The following PLPPR3 variants were observed in gnomAD, a reference collection of about 807,000 sequenced individuals.
The protein encoded by PLPPR3 is phospholipid phosphatase-related protein type 3.
Under a neutral mutation model 27.3 loss-of-function variants are expected in PLPPR3, and 14 were observed. The observed-to-expected ratio is 0.51, with a 90% CI of 0.34 to 0.80. PLPPR3 has a LOEUF of 0.80. Ranked by LOEUF, PLPPR3 falls within the 30% of genes least tolerant of loss-of-function variation. The pLI, the probability that PLPPR3 is intolerant of heterozygous loss-of-function variation, is 0.01. For synonymous variants in PLPPR3, 671 were observed against 508.0 expected (o/e 1.32, Z -4.32); for missense variants, 1,287 against 1,056.9 (o/e 1.22, Z -3.02).
rs982647618 is a variant in PLPPR3, at chr19:813,203, G to C, written c.1524C>G (p.Ser508=). 1 of 1,503,516 alleles carries C rather than the reference G, an allele frequency of 6.7e-7. No homozygotes were observed. The highest frequency in any genetic ancestry group is 1.5e-5 in the African/African-American group (1 of 68,068). 93.1% of individuals were successfully genotyped at this position (1,503,516 alleles called of 1,614,324 possible). The change falls in exon 8 of 8, where the codon TCC becomes TCG. Residue 508 remains serine (S), a synonymous_variant. Transcript: ENST00000520876. This position sits in a 1 kb window ranked among gnomAD's most constrained non-coding sequence, Gnocchi z 4.1. ...CGCGCACCCCGGCGCCGCTTTTGGGGGACAGGCCGGCCCCCGTCTGCGCGC... is the reference window on the plus strand; with the variant it reads ...CGCGCACCCCGGCGCCGCTTTTGGGCGACAGGCCGGCCCCCGTCTGCGCGC... ...EEGAQTGAGL[S]PKSGAGVRAK... is the part of the protein sequence containing the mutation.
At position 813,117 on chromosome 19, in the gene PLPPR3, A is replaced by T; in HGVS notation, c.1610T>A (p.Leu537Gln). 1 of 1,505,184 alleles carries T rather than the reference A, an allele frequency of 6.6e-7. No homozygotes were observed. The highest frequency in any genetic ancestry group is 8.8e-7 in the Non-Finnish European group (1 of 1,138,200). 93.2% of individuals were successfully genotyped at this position (1,505,184 alleles called of 1,614,324 possible). A position where few individuals can be genotyped will look rare whatever the true frequency, so the allele number is the denominator to read the frequency against. The stretch of plus-strand genomic sequence containing the variant: ...AGCCTTGGACATGGCGATGACCTGC[A>T]GCAGCCGCGGAGGGTTGGCCACTGC... ...GAAVANPPRL[L>Q]QVIAMSKAPG... Residue 537 changes from leucine (L) to glutamine (Q), a missense_variant, in exon 8 of 8, where the codon CTG becomes CAG. By Grantham distance (113) the Leu-to-Gln change is moderately radical (BLOSUM62 -2). Transcript: ENST00000520876. This position sits in a 1 kb window ranked among gnomAD's most constrained non-coding sequence, Gnocchi z 4.1.
In PLPPR3 at chr19:813,324, A is replaced by T. The variant is rs765899709; in HGVS notation, c.1403T>A (p.Leu468His). 1 of 1,469,412 alleles carries T rather than the reference A, an allele frequency of 6.8e-7. No homozygotes were observed. The highest frequency in any genetic ancestry group is 1.4e-5 in the South Asian group (1 of 73,978). The allele number at this position is 1,469,412 out of a possible 1,614,324, so 91.0% of individuals were successfully genotyped here. Residue 468 changes from leucine (L) to histidine (H), a missense_variant, in exon 8 of 8, where the codon CTC becomes CAC. Physicochemically the swap from Leu to His is moderately conservative, Grantham distance 99. Coordinates refer to ENST00000520876, the MANE Select transcript of PLPPR3 (RefSeq NM_001270366.2). This position sits in a 1 kb window ranked among gnomAD's most constrained non-coding sequence, Gnocchi z 4.1. Reference sequence around the variant, plus strand: ...CGGCCGCGCCTGCACGGTGGGGTAGAGCGAGGGCGGGGCCGGGCCCTCGTC... The same window carrying T: ...CGGCCGCGCCTGCACGGTGGGGTAGTGCGAGGGCGGGGCCGGGCCCTCGTC... ...EEDEGPAPPSLYPTVQARPGL... is the reference protein window; with the variant it reads ...EEDEGPAPPSHYPTVQARPGL...
intron 2 of PLPPR3, among the ~76,000 whole-genome samples, chr19:817,708 A>G (rs7250902): frequency 0.47 from 70,870 of 152,008 alleles, 18,075 homozygotes; most frequent in African/African-American, 0.67. Flanking sequence ...ATCCCAGGGC[A>G]GAATTGGATC....
At position 815,264 on chromosome 19, in the gene PLPPR3, GCCC is replaced by G. The variant is rs1197112568; in HGVS notation, c.322_324del (p.Gly108del). On this transcript the variant is annotated inframe_deletion, in exon 4 of 8. Coordinates refer to ENST00000520876, the MANE Select transcript of PLPPR3 (RefSeq NM_001270366.2). Reference sequence around the variant, plus strand: ...TTGATGCTGCCCTCCGCCCCGGCGGGCCCCCCGGCACGGCCCCACAGCCGGGAC... The same window carrying G: ...TTGATGCTGCCCTCCGCCCCGGCGGGCCCGGCACGGCCCCACAGCCGGGAC... The G allele has an allele frequency of 6.4e-7, 1 of 1,562,838 alleles. No individual in the cohort carries two copies. The highest frequency in any genetic ancestry group is 1.4e-5 in the African/African-American group (1 of 73,326).
Position 821,545 on chromosome 19 carries a change from C to T in PLPPR3, c.15G>A (p.Lys5=). The change falls in exon 2 of 8, where the codon AAG becomes AAA. Residue 5 remains lysine (K), a synonymous_variant. Transcript: ENST00000520876. MIST[K]EKNKIPKDSM... ...TGTCCTTCGGGATCTTGTTCTTCTC[C>T]TTGGTGGAGATCATGGTGCCGCGGG... The T allele has an allele frequency of 2.7e-6, 4 of 1,494,684 alleles. No individual in the cohort carries two copies. The highest frequency in any genetic ancestry group is 3.6e-6 in the Non-Finnish European group (4 of 1,117,668). The allele number at this position is 1,494,684 out of a possible 1,614,324, so 92.6% of individuals were successfully genotyped here.
chr19:819,279 C>CTTTTTT (rs1252377454), intron 2 of PLPPR3, among the ~76,000 whole-genome samples: 7,578 of 60,786 alleles, frequency 0.12, 1,669 homozygotes, highest in African/African-American at 0.48. Context: ...ACCCAGCCTA[C>CTTTTTT]TTTTTTTTTT....
chr19:814,786 G>A (rs754868278), intron 5 of PLPPR3, 37 bp from the exon 6 acceptor site: 1 of 1,558,570 alleles, frequency 6.4e-7, no homozygotes, highest in South Asian at 1.2e-5. Context: ...CGCCCACCTG[G>A]GGACCCCAGC....
chr19:818,320 T>A lies in PLPPR3; in HGVS notation c.76-2469A>T, dbSNP rs544593491. ...ATCGTTTGAGGACGGGAGGTGGAGG[T>A]TGCAGTGAGCTGACATTGTTCCACT... On this transcript the variant is annotated intron_variant, in intron 2 of 7. Transcript: ENST00000520876. Among the ~76,000 whole-genome samples, 59 of 151,728 alleles carry A rather than the reference T, an allele frequency of 3.9e-4. No individual in the cohort carries two copies. In the South Asian group the frequency reaches 6.3e-3, roughly 16 times the overall value.
chr19:822,433 T>C (rs1007480887), upstream of PLPPR3, among the ~76,000 whole-genome samples: 15 of 151,642 alleles, frequency 9.9e-5, 1 homozygote. Flanking sequence ...CGCGTTTCCA[T>C]GGCGAGGCTC....
rs2035026339 is a variant in PLPPR3, at chr19:814,972, A to G, written c.513T>C (p.Thr171=). 1 of 1,612,164 alleles carries G rather than the reference A, an allele frequency of 6.2e-7. No individual in the cohort carries two copies. The highest frequency in any genetic ancestry group is 8.5e-7 in the Non-Finnish European group (1 of 1,179,864). The change falls in exon 5 of 8, where the codon ACT becomes ACC. Residue 171 remains threonine, a synonymous_variant. Coordinates refer to ENST00000520876, the MANE Select transcript of PLPPR3 (RefSeq NM_001270366.2). ...TGACCTCGCAGGACGTGCCCAGGAG[A>G]GTGTAGTTGGGCTTGCAGACGGTGA... ...FFLTVCKPNY[T]LLGTSCEVNP...
chr19:813,204 G>C lies in PLPPR3; in HGVS notation c.1523C>G (p.Ser508Cys). The change falls in exon 8 of 8, where the codon TCC becomes TGC. Residue 508 changes from serine to cysteine, a missense_variant. Ser to Cys is a moderately radical substitution (Grantham distance 112). Coordinates refer to ENST00000520876, the MANE Select transcript of PLPPR3 (RefSeq NM_001270366.2). The surrounding 1 kb of genome is among the most constrained non-coding windows in gnomAD (Gnocchi z 4.1). ...EEGAQTGAGL[S>C]PKSGAGVRAK... ...GCGCACCCCGGCGCCGCTTTTGGGG[G>C]ACAGGCCGGCCCCCGTCTGCGCGCC... The C allele has an allele frequency of 6.6e-7, 1 of 1,503,884 alleles. No homozygotes were observed. The highest frequency in any genetic ancestry group is 8.8e-7 in the Non-Finnish European group (1 of 1,138,212). The allele number at this position is 1,503,884 out of a possible 1,614,324, so 93.2% of individuals were successfully genotyped here.
In PLPPR3 at chr19:815,287, C is replaced by T. The variant is rs1422946333; in HGVS notation, c.302G>A (p.Arg101Gln). 2.1e-5 allele frequency: 33 copies of T among 1,552,458 alleles called. No individual in the cohort carries two copies. The highest frequency in any genetic ancestry group is 4.7e-5 in the South Asian group (4 of 84,630). Residue 101 changes from arginine to glutamine, a missense_variant, in exon 4 of 8, where the codon CGG becomes CAG. Arg to Gln is a conservative substitution (Grantham distance 43). Transcript: ENST00000520876. Reference protein sequence around the residue: ...AEGMLYCLQSRLWGRAGGPAG... With the variant: ...AEGMLYCLQSQLWGRAGGPAG... ...GGGCCCCCCGGCACGGCCCCACAGC[C>T]GGGACTGCAGACAGTACAACATGCC... is the stretch of plus-strand genomic sequence containing the variant.
At chr19:815,367 A>G (rs1304777776) in intron 3 of PLPPR3, 40 bp from the exon 4 acceptor site, 1 of 1,504,984 alleles carries the variant, frequency 6.6e-7, no homozygotes, top group Admixed American at 2.1e-5. Flanking sequence ...CGGTGCCCAC[A>G]GGGAGGGGGC....
rs890606072 is a variant in PLPPR3, at chr19:814,705, G to A, written c.644C>T (p.Ala215Val). The A allele has an allele frequency of 1.0e-5, 16 of 1,594,344 alleles. No homozygotes were observed. Among genetic ancestry groups the A allele is most frequent in the Non-Finnish European group, 1.2e-5 (14 of 1,172,998 alleles). The change falls in exon 6 of 8, where the codon GCG becomes GTG. Residue 215 changes from alanine (A) to valine (V), a missense_variant. Ala to Val is a moderately conservative substitution (Grantham distance 64, BLOSUM62 0). Transcript: ENST00000520876. ...SQHATLSAFA[A>V]VYVSMYFNSV... ...GGCCGGACTCACCGACACATAGACC[G>A]CGGCGAAGGCTGACAGCGTGGCGTG... is the stretch of plus-strand genomic sequence containing the variant.
chr19:815,272 G>A lies in PLPPR3; in HGVS notation c.317C>T (p.Ala106Val). 1 of 1,558,618 alleles carries A rather than the reference G, an allele frequency of 6.4e-7. No homozygotes were observed. Among genetic ancestry groups the A allele is most frequent in the Non-Finnish European group, 8.7e-7 (1 of 1,153,986 alleles). ...YCLQSRLWGR[A>V]GGPAGAEGSI... ...GCCCTCCGCCCCGGCGGGCCCCCCG[G>A]CACGGCCCCACAGCCGGGACTGCAG... The change falls in exon 4 of 8, where the codon GCC becomes GTC. Residue 106 changes from alanine (A) to valine (V), a missense_variant. Transcript: ENST00000520876.
intron 2 of PLPPR3, among the ~76,000 whole-genome samples, chr19:818,364 G>A (rs1568286685): frequency 6.6e-6 from 1 of 151,890 alleles, no homozygotes; most frequent in Non-Finnish European, 1.5e-5. Flanking sequence ...GCTTGGGCAA[G>A]ACAGCAGGAC....
rs2035144784 is a variant in PLPPR3 at position 821,501 on chromosome 19, C to G, written c.59G>C (p.Cys20Ser). The G allele has an allele frequency of 6.6e-7, 1 of 1,515,020 alleles. No homozygotes were observed. The highest frequency in any genetic ancestry group is 8.8e-7 in the Non-Finnish European group (1 of 1,130,846). 93.8% of individuals were successfully genotyped at this position (1,515,020 alleles called of 1,614,324 possible). ...IPKDSMTLLP[C>S]FYFVELPIVA... ...CCCACCCACCTCCACGAAGTAGAAGCAGGGCAGAAGCGTCATGCTGTCCTT... is the reference window on the plus strand; with the variant it reads ...CCCACCCACCTCCACGAAGTAGAAGGAGGGCAGAAGCGTCATGCTGTCCTT... The change falls in exon 2 of 8, where the codon TGC (cysteine) becomes TCC (serine). Residue 20 changes from cysteine to serine, a missense_variant. Physicochemically the swap from Cys to Ser is moderately radical, Grantham distance 112. Transcript: ENST00000520876.
In PLPPR3 at chr19:812,491, G is replaced by C; in HGVS notation, c.*79C>G. 2 of 976,174 alleles carry C rather than the reference G, an allele frequency of 2.0e-6. No homozygotes were observed. The highest frequency in any genetic ancestry group is 2.4e-6 in the Non-Finnish European group (2 of 819,958). The allele number at this position is 976,174 out of a possible 1,614,324, so 60.5% of individuals were successfully genotyped here. ...GCGAATGACCAAGAGCCGGACCTCGGTTTCTGCCGCTTTATTGAGCATCCG... is the reference window on the plus strand; with the variant it reads ...GCGAATGACCAAGAGCCGGACCTCGCTTTCTGCCGCTTTATTGAGCATCCG... On this transcript the variant is annotated 3_prime_UTR_variant, in exon 8 of 8. Transcript: ENST00000520876.
chr19:822,577 G>T (rs2035165241), upstream of PLPPR3, among the ~76,000 whole-genome samples: 1 of 152,162 alleles, frequency 6.6e-6, no homozygotes, highest in Non-Finnish European at 1.5e-5. Flanking sequence ...CCGCCTGGCC[G>T]CAGCCGCTCG....
Sources: allele counts gnomAD v4.1 joint callset (sites outside exome capture counted in the v4.1 genomes callset), GRCh38; gene constraint gnomAD v4.1.1; non-coding constraint Gnocchi (gnomAD v3.1); transcripts MANE v1.5; gene names NCBI Gene and HGNC (gene_info 2026-07-23, HGNC 2026-07-21).